The following MAN1C1 variants were observed in gnomAD, a reference collection of about 807,000 sequenced individuals.
The protein encoded by MAN1C1 is mannosyl-oligosaccharide 1,2-alpha-mannosidase IC.
In MAN1C1, 49 loss-of-function variants were observed where a neutral mutation model predicts 71.5. The observed-to-expected ratio is 0.69, with a 90% CI of 0.54 to 0.87. The LOEUF (loss-of-function observed/expected upper bound fraction) is 0.87, where lower values mean the gene tolerates loss of function less well. Ranked by LOEUF, MAN1C1 falls within the 40% of genes least tolerant of loss-of-function variation. MAN1C1 has a pLI of 0.00. For missense variants in MAN1C1, 743 were observed against 835.0 expected (o/e 0.89, Z 1.36); for synonymous variants, 352 against 343.7 (o/e 1.02, Z -0.27).
At chr1:25,684,719 C>T (rs1187469276) in intron 1 of MAN1C1, among the ~76,000 whole-genome samples, 23 of 152,170 alleles carry the variant, frequency 1.5e-4, no homozygotes, top group African/African-American at 1.9e-4. Context: ...CAGGAGTGGC[C>T]GAGCATGGAG....
At chr1:25,732,524 G>T (rs560818929) in intron 2 of MAN1C1, among the ~76,000 whole-genome samples, 1 of 152,178 alleles carries the variant, frequency 6.6e-6, no homozygotes, top group Non-Finnish European at 1.5e-5. Context: ...TCTGTGGTGC[G>T]CTCAGCAACA....
chr1:25,672,632 C>T (rs1045699985), intron 1 of MAN1C1, among the ~76,000 whole-genome samples: 1 of 152,134 alleles, frequency 6.6e-6, no homozygotes, highest in South Asian at 2.1e-4. Flanking sequence ...GGGCCCACCC[C>T]GATAATCAGG....
At chr1:25,754,208 C>T (rs535610789) in intron 5 of MAN1C1, among the ~76,000 whole-genome samples, 1 of 152,302 alleles carries the variant, frequency 6.6e-6, no homozygotes, top group African/African-American at 2.4e-5. Flanking sequence ...AATCCCGACG[C>T]TAGGAAGGCT....
intron 2 of MAN1C1, among the ~76,000 whole-genome samples, chr1:25,734,934 G>A (rs1037208518): frequency 4.6e-5 from 7 of 152,204 alleles, no homozygotes; most frequent in Non-Finnish European, 8.8e-5. Context: ...ATGTCTTCAC[G>A]GAGGAAGAAA....
intron 2 of MAN1C1, among the ~76,000 whole-genome samples, chr1:25,702,215 G>A (rs1174083584): frequency 6.6e-6 from 1 of 152,200 alleles, no homozygotes; most frequent in Non-Finnish European, 1.5e-5. Context: ...AAGAACTTGA[G>A]CACCCAGATG....
At chr1:25,721,807 A>G (rs1274378798) in intron 2 of MAN1C1, among the ~76,000 whole-genome samples, 3 of 152,216 alleles carry the variant, frequency 2.0e-5, no homozygotes, top group Non-Finnish European at 4.4e-5. Flanking sequence ...AAGGTTAAAT[A>G]GAAGTGGATA....
intron 3 of MAN1C1, among the ~76,000 whole-genome samples, chr1:25,748,827 C>T (rs1328993951): frequency 6.6e-6 from 1 of 152,208 alleles, no homozygotes; most frequent in African/African-American, 2.4e-5. Flanking sequence ...CCCACAGCCT[C>T]CTCAGAGAAC....
At chr1:25,683,256 A>G (rs1283679916) in intron 1 of MAN1C1, among the ~76,000 whole-genome samples, 3 of 152,132 alleles carry the variant, frequency 2.0e-5, no homozygotes, top group African/African-American at 7.2e-5. Context: ...ACTCTTGTTC[A>G]TCTGTCCACG....
At position 25,753,591 on chromosome 1, in the gene MAN1C1, C is replaced by T. The variant is rs772220009; in HGVS notation, c.929+13C>T. The T allele has an allele frequency of 3.7e-6, 6 of 1,611,012 alleles. No homozygotes were observed. The Admixed American group carries it at 6.7e-5, about 18-fold the overall frequency. On this transcript the variant is annotated intron_variant, in intron 5 of 11. Transcript: ENST00000374332. The surrounding 1 kb of genome is among the most constrained non-coding windows in gnomAD (Gnocchi z 4.9). ...TGAGCTTCAAAAGGTAGGGCGCCAT[C>T]GCGTTCCCCACTGGGGCTTTACTGC... is the stretch of plus-strand genomic sequence containing the variant.
chr1:25,725,552 C>T lies in MAN1C1; in HGVS notation c.638-21116C>T, dbSNP rs182698998. On this transcript the variant is annotated intron_variant, in intron 2 of 11. Coordinates refer to ENST00000374332, the MANE Select transcript of MAN1C1 (RefSeq NM_020379.4). The surrounding 1 kb of genome is among the most constrained non-coding windows in gnomAD (Gnocchi z 4.8). ...CACAGCACGTGCAAGGGCATGGTGG[C>T]GTGAGAGTACAGGAGTACTTGTTAG... is the stretch of plus-strand genomic sequence containing the variant. Among the ~76,000 whole-genome samples, 8 of 152,226 alleles carry T rather than the reference C, an allele frequency of 5.3e-5. No individual in the cohort carries two copies. The highest frequency in any genetic ancestry group is 1.9e-4 in the African/African-American group (8 of 41,544).
intron 1 of MAN1C1, among the ~76,000 whole-genome samples, chr1:25,678,828 A>G (rs1015300367): frequency 3.3e-5 from 5 of 152,232 alleles, no homozygotes; most frequent in African/African-American, 1.2e-4. Context: ...AAACAAAGGT[A>G]CAATATGAGA....
intron 5 of MAN1C1, among the ~76,000 whole-genome samples, chr1:25,757,877 G>T (rs1293782653): frequency 6.6e-6 from 1 of 152,236 alleles, no homozygotes; most frequent in Non-Finnish European, 1.5e-5. Flanking sequence ...GTGATCTCAG[G>T]CAGGGGACAT....
chr1:25,728,086 C>T (rs2046857718), intron 2 of MAN1C1, among the ~76,000 whole-genome samples: 1 of 152,220 alleles, frequency 6.6e-6, no homozygotes, highest in Admixed American at 6.5e-5. Context: ...AGCCAGGCCC[C>T]AGCCTCCTCC....
Position 25,640,019 on chromosome 1 carries a change from T to C in MAN1C1, c.540+21682T>C, listed in dbSNP as rs1291178687. Reference sequence around the variant, plus strand: ...TTTTACCTTAAGCCTAATGACTGCTTTTTAAAACTTAGTTTGTAAATTCTC... The same window carrying C: ...TTTTACCTTAAGCCTAATGACTGCTCTTTAAAACTTAGTTTGTAAATTCTC... On this transcript the variant is annotated intron_variant, in intron 1 of 11. Coordinates refer to ENST00000374332, the MANE Select transcript of MAN1C1 (RefSeq NM_020379.4). 2.6e-5 allele frequency among the ~76,000 whole-genome samples: 4 copies of C among 152,204 alleles called. No individual in the cohort carries two copies. In the East Asian group the frequency reaches 7.7e-4, roughly 29 times the overall value.
intron 6 of MAN1C1, chr1:25,758,966 G>GAGAGACAAGA: frequency 2.1e-6 from 1 of 470,012 alleles, no homozygotes; most frequent in Non-Finnish European, 3.9e-6. Context: ...CGGGGAAAAG[G>GAGAGACAAGA]TTCTCACTGG....
At chr1:25,669,367 A>AT (rs772028288) in intron 1 of MAN1C1, among the ~76,000 whole-genome samples, 61 of 152,176 alleles carry the variant, frequency 4.0e-4, no homozygotes, top group Non-Finnish European at 8.4e-4. Flanking sequence ...TTTCTTATCT[A>AT]TAAAATGGGC....
chr1:25,742,506 G>A (rs989042721), intron 2 of MAN1C1, among the ~76,000 whole-genome samples: 3 of 152,160 alleles, frequency 2.0e-5, no homozygotes, highest in African/African-American at 4.8e-5. Context: ...AGAGAGGGCC[G>A]GGAATGTAGT....
At chr1:25,622,285 A>G (rs558057770) in intron 1 of MAN1C1, among the ~76,000 whole-genome samples, 8 of 152,096 alleles carry the variant, frequency 5.3e-5, no homozygotes, top group Non-Finnish European at 8.8e-5. Context: ...ATTCCTGTTT[A>G]TTACTGGGCC....
intron 1 of MAN1C1, among the ~76,000 whole-genome samples, chr1:25,668,115 A>G (rs2045947932): frequency 6.6e-6 from 1 of 152,184 alleles, no homozygotes; most frequent in Non-Finnish European, 1.5e-5. Context: ...ATCTCTTCTC[A>G]TGGGGGCTTG....
Sources: allele counts gnomAD v4.1 joint callset (sites outside exome capture counted in the v4.1 genomes callset), GRCh38; gene constraint gnomAD v4.1.1; non-coding constraint Gnocchi (gnomAD v3.1); transcripts MANE v1.5; gene names NCBI Gene and HGNC (gene_info 2026-07-23, HGNC 2026-07-21).